Variants in CLTC observed in about 807,000 individuals in gnomAD.
CLTC encodes the protein clathrin heavy chain 1.
Under a neutral mutation model 195.8 loss-of-function variants are expected in CLTC, and 16 were observed. The ratio of observed to expected loss-of-function variants is 0.08; its 90% confidence interval spans 0.06 to 0.12. The LOEUF is 0.12. Ranked by LOEUF, CLTC falls within the 10% of genes least tolerant of loss-of-function variation. The pLI, the probability that CLTC is intolerant of heterozygous loss-of-function variation, is 1.00. For synonymous variants in CLTC, 667 were observed against 689.4 expected, an observed-to-expected ratio of 0.97 and a Z score of 0.51; for missense variants, 796 against 2,027.0, an observed-to-expected ratio of 0.39 and a Z score of 11.66.
intron 4 of CLTC, among the ~76,000 whole-genome samples, chr17:59,650,431 A>G (rs1482215030): frequency 1.3e-5 from 2 of 150,078 alleles, no homozygotes; most frequent in South Asian, 2.1e-4. Context: ...CTTCTATACC[A>G]TTTATTTCAG....
At position 59,685,870 on chromosome 17, in the gene CLTC, A is replaced by G; in HGVS notation, c.4827+62A>G. 4 of 1,231,998 alleles carry G rather than the reference A, an allele frequency of 3.2e-6. No individual in the cohort carries two copies. The highest frequency in any genetic ancestry group is 4.5e-6 in the Non-Finnish European group (4 of 881,764). The allele number at this position is 1,231,998 out of a possible 1,614,324, so 76.3% of individuals were successfully genotyped here. On this transcript the variant is annotated intron_variant, in intron 30 of 31. Transcript: ENST00000269122. The surrounding 1 kb of genome is among the most constrained non-coding windows in gnomAD (Gnocchi z 5.0). ...CTTGCATGTAAAATTCTACATGCAC[A>G]TTAATTTTTTTAAATGCTTTTTTCT...
rs1214143965 is a variant in CLTC at position 59,683,067 on chromosome 17, T to C, written c.3874-28T>C. The C allele has an allele frequency of 2.5e-6, 4 of 1,613,982 alleles. No individual in the cohort carries two copies. The highest frequency in any genetic ancestry group is 2.7e-5 in the African/African-American group (2 of 75,036). On this transcript the variant is annotated intron_variant, in intron 24 of 31. Coordinates refer to ENST00000269122, the MANE Select transcript of CLTC (RefSeq NM_004859.4). The surrounding 1 kb of genome is among the most constrained non-coding windows in gnomAD (Gnocchi z 6.1). The stretch of plus-strand genomic sequence containing the variant: ...AGATCTTTTACCATAGATATTCTTA[T>C]CTTTAACTGCACATTTCTCTTGTTC...
At chr17:59,622,001 G>A (rs1443438367) in intron 1 of CLTC, among the ~76,000 whole-genome samples, 1 of 152,310 alleles carries the variant, frequency 6.6e-6, no homozygotes, top group African/African-American at 2.4e-5. Flanking sequence ...AAATCTTGTG[G>A]TGGTTGGAGT....
chr17:59,639,550 A>G (rs1411111060), intron 1 of CLTC, among the ~76,000 whole-genome samples: 1 of 152,222 alleles, frequency 6.6e-6, no homozygotes, highest in East Asian at 1.9e-4. Flanking sequence ...ATGTAGCTGT[A>G]GTTTGGATAC....
chr17:59,669,308 AG>A (rs1002494609), intron 14 of CLTC, among the ~76,000 whole-genome samples: 5 of 152,336 alleles, frequency 3.3e-5, no homozygotes, highest in Admixed American at 3.3e-4. Context: ...TACCATTTTG[AG>A]GAGCCTCTAT....
At chr17:59,661,339 C>G in intron 7 of CLTC, 104 bp from the exon 8 acceptor site, 2 of 829,370 alleles carry the variant, frequency 2.4e-6, no homozygotes, top group South Asian at 3.0e-5. Flanking sequence ...AGAGATTGAT[C>G]TCTACAGGGT....
chr17:59,656,277 C>G (rs2032462683), intron 6 of CLTC: 1 of 323,570 alleles, frequency 3.1e-6, no homozygotes, highest in Admixed American at 5.3e-5. Flanking sequence ...TACAAAGTCT[C>G]TCTTTAATCC....
At position 59,681,331 on chromosome 17, in the gene CLTC, G is replaced by A. The variant is rs1170258084; in HGVS notation, c.3102G>A (p.Lys1034=). 1 of 1,613,682 alleles carries A rather than the reference G, an allele frequency of 6.2e-7. No homozygotes were observed. The highest frequency in any genetic ancestry group is 1.3e-5 in the African/African-American group (1 of 74,828). Residue 1034 remains lysine (K), a synonymous_variant, in exon 20 of 32, where the codon AAG becomes AAA. Coordinates refer to ENST00000269122, the MANE Select transcript of CLTC (RefSeq NM_004859.4). This position sits in a 1 kb window ranked among gnomAD's most constrained non-coding sequence, Gnocchi z 5.0. ...LQNLLILTAI[K]ADRTRVMEYI... is the part of the protein sequence containing the mutation. ...ACCTCCTTATCCTCACTGCAATTAA[G>A]GCTGACCGTACACGTGTTATGGAGT...
intron 1 of CLTC, among the ~76,000 whole-genome samples, chr17:59,626,244 A>G (rs926456180): frequency 2.6e-5 from 4 of 152,202 alleles, no homozygotes; most frequent in African/African-American, 7.2e-5. Context: ...GATGTTGTCT[A>G]CTTGATTGTG....
At chr17:59,634,928 T>C (rs2031819952) in intron 1 of CLTC, among the ~76,000 whole-genome samples, 1 of 152,244 alleles carries the variant, frequency 6.6e-6, no homozygotes, top group East Asian at 1.9e-4. Flanking sequence ...CCGCGACTGA[T>C]ACTAGAGAAG....
Position 59,620,071 on chromosome 17 carries a change from C to A in CLTC, c.-61C>A, listed in dbSNP as rs2031313088. 1.3e-6 allele frequency: 2 copies of A among 1,549,148 alleles called. No individual in the cohort carries two copies. The highest frequency in any genetic ancestry group is 2.2e-5 in the South Asian group (2 of 89,392). On this transcript the variant is annotated 5_prime_UTR_variant, in exon 1 of 32. Transcript: ENST00000269122. ...CTTCTCCTCCTCTCCCTTGGAGAGC[C>A]CGGGCAGCCACTGCCCCGCAGCCCC...
At chr17:59,693,360 C>CTTT (rs56119322) in intron 31 of CLTC, among the ~76,000 whole-genome samples, 1 of 136,726 alleles carries the variant, frequency 7.3e-6, no homozygotes, top group African/African-American at 2.8e-5. Flanking sequence ...GAGCCAGATT[C>CTTT]TTTTTTTTTT....
rs2143593376 is a variant in CLTC, at chr17:59,682,167, C to A, written c.3443-104C>A. On this transcript the variant is annotated intron_variant, in intron 21 of 31. Coordinates refer to ENST00000269122, the MANE Select transcript of CLTC (RefSeq NM_004859.4). This position sits in a 1 kb window ranked among gnomAD's most constrained non-coding sequence, Gnocchi z 6.8. ...TTGCACGGTTTACATTTGTCATTATCCATGTTTCCTTGAAAAGGAAATGAA... is the reference window on the plus strand; with the variant it reads ...TTGCACGGTTTACATTTGTCATTATACATGTTTCCTTGAAAAGGAAATGAA... 1 of 1,067,354 alleles carries A rather than the reference C, an allele frequency of 9.4e-7. No individual in the cohort carries two copies. Among genetic ancestry groups the A allele is most frequent in the Admixed American group, 2.3e-5 (1 of 42,562 alleles). 66.1% of individuals were successfully genotyped at this position (1,067,354 alleles called of 1,614,324 possible).
intron 31 of CLTC, among the ~76,000 whole-genome samples, chr17:59,691,435 T>C (rs1432084348): frequency 6.6e-6 from 1 of 151,770 alleles, no homozygotes; most frequent in Non-Finnish European, 1.5e-5. Flanking sequence ...CCATCCTGGC[T>C]AACACAGTGA....
chr17:59,695,306 ACT>A lies in CLTC; in HGVS notation c.*1459_*1460del, dbSNP rs2033394909. ...CTAGTTAGTCTTGCACTGCTTTACA[ACT>A]CTCTTAGGCAAATTACCTAACATAA... On this transcript the variant is annotated 3_prime_UTR_variant, in exon 32 of 32. Transcript: ENST00000269122. 2 of 187,560 alleles carry A rather than the reference ACT, an allele frequency of 1.1e-5. No individual in the cohort carries two copies. Among genetic ancestry groups the A allele is most frequent in the African/African-American group, 4.7e-5 (2 of 42,682 alleles). The allele number at this position is 187,560 out of a possible 1,614,324, so 11.6% of individuals were successfully genotyped here.
chr17:59,670,018 A>G (rs2032811865), intron 14 of CLTC, among the ~76,000 whole-genome samples: 1 of 152,192 alleles, frequency 6.6e-6, no homozygotes. Context: ...ATTAAAAGAT[A>G]CACTTTTCAA....
rs757310201 is a variant in CLTC at position 59,648,419 on chromosome 17, T to A, written c.681+18T>A. On this transcript the variant is annotated intron_variant, in intron 4 of 31. Coordinates refer to ENST00000269122, the MANE Select transcript of CLTC (RefSeq NM_004859.4). This position sits in a 1 kb window ranked among gnomAD's most constrained non-coding sequence, Gnocchi z 4.5. ...GAGGGAAGGTAAGTTTTGGCTTTGG[T>A]AATTATTTTAATGAGAACTTGTATT... 3.1e-5 allele frequency: 50 copies of A among 1,603,516 alleles called. No individual in the cohort carries two copies. In the African/African-American group the frequency reaches 5.5e-4, roughly 18 times the overall value.
rs774189767 is a variant in CLTC, at chr17:59,648,362, G to C, written c.642G>C (p.Thr214=). Reference sequence around the variant, plus strand: ...TGGAAGGAAATGCAGAAGAATCAACGTTATTTTGTTTTGCAGTTCGGGGCC... The same window carrying C: ...TGGAAGGAAATGCAGAAGAATCAACCTTATTTTGTTTTGCAGTTCGGGGCC... ...FKMEGNAEES[T]LFCFAVRGQA... is the part of the protein sequence containing the mutation. Residue 214 remains threonine (T), a synonymous_variant, in exon 4 of 32, where the codon ACG becomes ACC. Coordinates refer to ENST00000269122, the MANE Select transcript of CLTC (RefSeq NM_004859.4). This position sits in a 1 kb window ranked among gnomAD's most constrained non-coding sequence, Gnocchi z 4.5. 1.7e-5 allele frequency: 27 copies of C among 1,613,906 alleles called. 1 individual carries two copies. The highest frequency in any genetic ancestry group is 2.0e-5 in the Non-Finnish European group (24 of 1,179,962).
At chr17:59,641,063 A>C (rs1394521675) in intron 1 of CLTC, among the ~76,000 whole-genome samples, 1 of 150,760 alleles carries the variant, frequency 6.6e-6, no homozygotes, top group African/African-American at 2.4e-5. Context: ...AGGTTGCAGT[A>C]AGCCGAGATC....
Sources: allele counts gnomAD v4.1 joint callset (sites outside exome capture counted in the v4.1 genomes callset), GRCh38; gene constraint gnomAD v4.1.1; non-coding constraint Gnocchi (gnomAD v3.1); transcripts MANE v1.5; gene names NCBI Gene and HGNC (gene_info 2026-07-23, HGNC 2026-07-21).